Variants in MMP16 observed in about 807,000 individuals in gnomAD.
MMP16 encodes matrix metalloproteinase-16.
MMP16 carries 12 observed loss-of-function variants against 67.8 expected under a neutral mutation model. That is an observed-to-expected ratio of 0.18 (90% CI 0.11 to 0.29). The LOEUF (loss-of-function observed/expected upper bound fraction) is 0.29, where lower values mean the gene tolerates loss of function less well. MMP16 is among the 10% of genes least tolerant of loss of function. MMP16 has a pLI of 1.00. For missense variants in MMP16, 475 were observed against 765.7 expected, an observed-to-expected ratio of 0.62 and a Z score of 4.48; for synonymous variants, 249 against 255.9, an observed-to-expected ratio of 0.97 and a Z score of 0.26.
chr8:88,187,211 A>C (rs185065359), intron 2 of MMP16, among the ~76,000 whole-genome samples: 66 of 152,312 alleles, frequency 4.3e-4, no homozygotes, highest in Non-Finnish European at 7.2e-4. Flanking sequence ...TGCTTAAAAA[A>C]TATTTTTCTG....
At chr8:88,212,734 T>C (rs1809531632) in intron 1 of MMP16, among the ~76,000 whole-genome samples, 1 of 152,122 alleles carries the variant, frequency 6.6e-6, no homozygotes, top group African/African-American at 2.4e-5. Flanking sequence ...CTGATTATTG[T>C]AGTAGAATAT....
chr8:88,047,051 TAA>T (rs952495251), intron 8 of MMP16, among the ~76,000 whole-genome samples: 1 of 152,016 alleles, frequency 6.6e-6, no homozygotes, highest in Non-Finnish European at 1.5e-5. Context: ...CTGCCTGTGT[TAA>T]AAATAAGTTC....
chr8:88,202,750 G>A (rs1049163688), intron 1 of MMP16, among the ~76,000 whole-genome samples: 8 of 152,020 alleles, frequency 5.3e-5, no homozygotes, highest in Admixed American at 3.9e-4. Flanking sequence ...CTATATTTCT[G>A]AAGTAGACAG....
chr8:88,195,762 ATTCT>A (rs1809240008), intron 2 of MMP16, among the ~76,000 whole-genome samples: 1 of 152,112 alleles, frequency 6.6e-6, no homozygotes. Flanking sequence ...TTTATTCTTG[ATTCT>A]GTTTTCCAAG....
intron 7 of MMP16, among the ~76,000 whole-genome samples, chr8:88,071,558 G>C (rs1253666182): frequency 2.0e-5 from 3 of 152,130 alleles, no homozygotes; most frequent in Non-Finnish European, 2.9e-5. Flanking sequence ...AGGCAAAGAG[G>C]CTAAATAAAA....
At chr8:88,226,876 GTATT>G (rs33911567) in intron 1 of MMP16, among the ~76,000 whole-genome samples, 121,449 of 148,298 alleles carry the variant, frequency 0.82, 51,156 homozygotes, top group East Asian at 0.97. Context: ...CAGCCTACAC[GTATT>G]TATTTATTTA....
intron 3 of MMP16, among the ~76,000 whole-genome samples, chr8:88,169,365 C>T (rs1442512043): frequency 1.3e-5 from 2 of 152,204 alleles, no homozygotes; most frequent in East Asian, 1.9e-4. Flanking sequence ...ATGAGCACTT[C>T]ACATTATCTT....
At chr8:88,184,857 G>A (rs1290587604) in intron 3 of MMP16, among the ~76,000 whole-genome samples, 1 of 149,846 alleles carries the variant, frequency 6.7e-6, no homozygotes. Flanking sequence ...AGGGTCACCA[G>A]ACAAGAGACA....
chr8:88,092,323 G>T (rs1808951570), intron 6 of MMP16, among the ~76,000 whole-genome samples: 3 of 151,662 alleles, frequency 2.0e-5, no homozygotes, highest in Admixed American at 2.0e-4. Flanking sequence ...TTTTATCTTT[G>T]CATTGCTCGT....
chr8:88,150,988 C>T (rs1312860152), intron 4 of MMP16, among the ~76,000 whole-genome samples: 2 of 141,680 alleles, frequency 1.4e-5, no homozygotes, highest in Admixed American at 7.3e-5. Context: ...CAGAGACACA[C>T]ATAGGTTCAA....
chr8:88,051,594 G>T (rs1488591224), intron 8 of MMP16, among the ~76,000 whole-genome samples: 1 of 152,060 alleles, frequency 6.6e-6, no homozygotes, highest in Non-Finnish European at 1.5e-5. Flanking sequence ...CAATATATCA[G>T]TTTTTGCTGT....
intron 4 of MMP16, among the ~76,000 whole-genome samples, chr8:88,149,568 G>C (rs1477627856): frequency 6.6e-6 from 1 of 152,094 alleles, no homozygotes; most frequent in African/African-American, 2.4e-5. Context: ...CCCCCGAGCA[G>C]CCTAACTGGG....
chr8:88,313,347 G>A (rs1811326568), intron 1 of MMP16, among the ~76,000 whole-genome samples: 2 of 152,138 alleles, frequency 1.3e-5, no homozygotes, highest in Non-Finnish European at 2.9e-5. Flanking sequence ...AGAATCTTAG[G>A]TTGAGAGATT....
chr8:88,130,081 G>T (rs1808001696), intron 4 of MMP16, among the ~76,000 whole-genome samples: 1 of 151,694 alleles, frequency 6.6e-6, no homozygotes. Flanking sequence ...AGTAACTTGA[G>T]CTCATATTTG....
intron 3 of MMP16, among the ~76,000 whole-genome samples, chr8:88,181,960 G>T (rs1020716814): frequency 6.6e-6 from 1 of 152,018 alleles, no homozygotes. Context: ...ACAAGTAAAA[G>T]AAGTGAATCT....
intron 1 of MMP16, among the ~76,000 whole-genome samples, chr8:88,202,697 C>A (rs1809362558): frequency 6.6e-6 from 1 of 151,922 alleles, no homozygotes; most frequent in African/African-American, 2.4e-5. Context: ...AAAACACAAC[C>A]AATGATAAAC....
intron 4 of MMP16, among the ~76,000 whole-genome samples, chr8:88,157,243 C>A (rs2129666412): frequency 6.6e-6 from 1 of 152,176 alleles, no homozygotes; most frequent in African/African-American, 2.4e-5. Context: ...AACTCTTGCC[C>A]TTATTCTCTA....
At chr8:88,110,650 T>C (rs879185293) in intron 6 of MMP16, among the ~76,000 whole-genome samples, 1 of 151,600 alleles carries the variant, frequency 6.6e-6, no homozygotes, top group African/African-American at 2.4e-5. Flanking sequence ...GTAAAACACT[T>C]TTCGGACTCT....
intron 1 of MMP16, among the ~76,000 whole-genome samples, chr8:88,303,829 T>C (rs1433885817): frequency 6.6e-6 from 1 of 152,076 alleles, no homozygotes; most frequent in East Asian, 1.9e-4. Context: ...AGATCCAAGG[T>C]AGATAAGCCC....
Sources: allele counts gnomAD v4.1 joint callset (sites outside exome capture counted in the v4.1 genomes callset), GRCh38; gene constraint gnomAD v4.1.1; transcripts MANE v1.5; gene names NCBI Gene and HGNC (gene_info 2026-07-23, HGNC 2026-07-21).